Variants in BABAM2 observed in about 807,000 individuals in gnomAD.
The protein encoded by BABAM2 is BRISC and BRCA1 A complex member 2, also known as BRISC and BRCA1-A complex member 2.
In BABAM2, 31 loss-of-function variants were observed where a neutral mutation model predicts 54.7. The observed-to-expected ratio is 0.57, with a 90% CI of 0.43 to 0.77. The LOEUF (loss-of-function observed/expected upper bound fraction) is 0.77, where lower values mean the gene tolerates loss of function less well. Ranked by LOEUF, BABAM2 falls within the 30% of genes least tolerant of loss-of-function variation. The pLI, the probability that BABAM2 is intolerant of heterozygous loss-of-function variation, is 0.00. For synonymous variants in BABAM2, 167 were observed against 162.9 expected (o/e 1.03, Z -0.19); for missense variants, 364 against 455.8 (o/e 0.80, Z 1.83).
intron 6 of BABAM2, among the ~76,000 whole-genome samples, chr2:28,096,820 T>C (rs1184891481): frequency 6.6e-6 from 1 of 152,098 alleles, no homozygotes; most frequent in East Asian, 1.9e-4. Flanking sequence ...CTAATTTCTT[T>C]CTTCCTTTGG....
At chr2:28,326,943 C>T (rs555097884) in intron 11 of BABAM2, among the ~76,000 whole-genome samples, 1 of 152,202 alleles carries the variant, frequency 6.6e-6, no homozygotes, top group African/African-American at 2.4e-5. Context: ...TTACAACATT[C>T]TATCATTCTA....
At chr2:28,255,264 A>C (rs1482780819) in intron 10 of BABAM2, among the ~76,000 whole-genome samples, 1 of 152,132 alleles carries the variant, frequency 6.6e-6, no homozygotes, top group Non-Finnish European at 1.5e-5. Context: ...TATTTCATTT[A>C]GAATCTGAGC....
At chr2:27,910,808 G>T (rs1666526757) in intron 2 of BABAM2, among the ~76,000 whole-genome samples, 1 of 152,118 alleles carries the variant, frequency 6.6e-6, no homozygotes, top group Non-Finnish European at 1.5e-5. Flanking sequence ...ACATGCCACG[G>T]TTTATCTACT....
intron 5 of BABAM2, among the ~76,000 whole-genome samples, chr2:28,030,751 A>C (rs1213374797): frequency 6.6e-6 from 1 of 152,074 alleles, no homozygotes; most frequent in Non-Finnish European, 1.5e-5. Context: ...AATTACCACA[A>C]ACTTGGTGGC....
chr2:28,301,805 T>C (rs1348716571), intron 11 of BABAM2, among the ~76,000 whole-genome samples: 1 of 152,212 alleles, frequency 6.6e-6, no homozygotes, highest in Admixed American at 6.5e-5. Flanking sequence ...TCTTCATATA[T>C]ATTTTGTTTC....
At chr2:28,237,998 C>T (rs536756094) in intron 8 of BABAM2, among the ~76,000 whole-genome samples, 18 of 152,176 alleles carry the variant, frequency 1.2e-4, no homozygotes, top group Non-Finnish European at 2.2e-4. Flanking sequence ...TACAGACACC[C>T]GCCACCAGGC....
chr2:28,134,970 G>A (rs1001532525), intron 7 of BABAM2, among the ~76,000 whole-genome samples: 1 of 152,182 alleles, frequency 6.6e-6, no homozygotes, highest in African/African-American at 2.4e-5. Context: ...TTAAGTTAAC[G>A]TTTTTGAGCT....
intron 5 of BABAM2, among the ~76,000 whole-genome samples, chr2:28,041,954 T>C (rs1677135663): frequency 1.3e-5 from 2 of 152,042 alleles, no homozygotes; most frequent in African/African-American, 4.8e-5. Flanking sequence ...ATCAGGTGGT[T>C]AGAGAGGTGG....
intron 4 of BABAM2, among the ~76,000 whole-genome samples, chr2:28,011,646 T>C (rs1415031361): frequency 6.6e-6 from 1 of 152,206 alleles, no homozygotes; most frequent in African/African-American, 2.4e-5. Context: ...GGAAGTCATC[T>C]AGGGCAGAGA....
intron 3 of BABAM2, among the ~76,000 whole-genome samples, chr2:27,964,690 A>G (rs186069948): frequency 5.9e-4 from 90 of 152,284 alleles, no homozygotes; most frequent in Non-Finnish European, 1.1e-3. Flanking sequence ...AGAAGCTAAG[A>G]GTGCTGGTTT....
chr2:28,079,907 T>C (rs945200393), intron 6 of BABAM2, among the ~76,000 whole-genome samples: 6 of 152,162 alleles, frequency 3.9e-5, no homozygotes, highest in African/African-American at 1.2e-4. Context: ...ATAAAAGTTA[T>C]ATTATACTAT....
chr2:28,182,174 A>C (rs1265896159), intron 7 of BABAM2, among the ~76,000 whole-genome samples: 1 of 152,170 alleles, frequency 6.6e-6, no homozygotes, highest in Non-Finnish European at 1.5e-5. Flanking sequence ...TGAGAGACTC[A>C]CTGGAGTGTC....
intron 5 of BABAM2, among the ~76,000 whole-genome samples, chr2:28,026,865 T>TATATATTTATATATATAG (rs1558667271): frequency 2.0e-5 from 1 of 49,594 alleles, no homozygotes; most frequent in African/African-American, 1.1e-4. Context: ...TATATATAGA[T>TATATATTTATATATATAG]ATATATATTT....
intron 7 of BABAM2, among the ~76,000 whole-genome samples, chr2:28,228,081 G>T (rs141448855): frequency 6.6e-6 from 1 of 152,276 alleles, no homozygotes; most frequent in Non-Finnish European, 1.5e-5. Flanking sequence ...TACCTGTTTT[G>T]TAAAGGTGTT....
chr2:28,215,143 G>C (rs940599964), intron 7 of BABAM2, among the ~76,000 whole-genome samples: 1 of 152,108 alleles, frequency 6.6e-6, no homozygotes, highest in Admixed American at 6.5e-5. Context: ...TTCATGTAAG[G>C]TTCTGGATTT....
intron 3 of BABAM2, among the ~76,000 whole-genome samples, chr2:27,944,755 T>C (rs1473464295): frequency 6.6e-6 from 1 of 152,208 alleles, no homozygotes; most frequent in Non-Finnish European, 1.5e-5. Flanking sequence ...GCAGTAGTAT[T>C]ACTGTGTTGT....
chr2:28,211,356 C>G (rs1279177914), intron 7 of BABAM2, among the ~76,000 whole-genome samples: 1 of 142,062 alleles, frequency 7.0e-6, no homozygotes, highest in Non-Finnish European at 1.5e-5. Context: ...TTTGGTCATA[C>G]TTATCCATGT....
At chr2:28,191,001 G>A (rs1367701267) in intron 7 of BABAM2, among the ~76,000 whole-genome samples, 2 of 152,022 alleles carry the variant, frequency 1.3e-5, no homozygotes, top group African/African-American at 4.8e-5. Flanking sequence ...TTCAAGGCAC[G>A]GTTACAAAAT....
intron 3 of BABAM2, among the ~76,000 whole-genome samples, chr2:27,973,918 C>T (rs926243111): frequency 2.6e-5 from 4 of 152,126 alleles, no homozygotes; most frequent in Admixed American, 2.6e-4. Context: ...CTGAACCTAA[C>T]TTTATGCCAA....
Sources: allele counts gnomAD v4.1 joint callset (sites outside exome capture counted in the v4.1 genomes callset), GRCh38; gene constraint gnomAD v4.1.1; transcripts MANE v1.5; gene names NCBI Gene and HGNC (gene_info 2026-07-23, HGNC 2026-07-21).